Variants in ADAM29 observed in about 807,000 individuals in gnomAD.
ADAM29 encodes the protein ADAM metallopeptidase domain 29, also known as disintegrin and metalloproteinase domain-containing protein 29.
For missense variants in ADAM29, 969 were observed against 1,001.8 expected (o/e 0.97, Z 0.44); for synonymous variants, 367 against 342.3 (o/e 1.07, Z -0.80).
At chr4:174,932,372 AATTCT>A (rs1743937364) in intron 3 of ADAM29, among the ~76,000 whole-genome samples, 1 of 152,214 alleles carries the variant, frequency 6.6e-6, no homozygotes, top group Non-Finnish European at 1.5e-5. Flanking sequence ...AAGATGTAAC[AATTCT>A]TAGTTTATAA....
At chr4:174,930,632 A>G (rs1271388909) in intron 2 of ADAM29, among the ~76,000 whole-genome samples, 1 of 152,106 alleles carries the variant, frequency 6.6e-6, no homozygotes, top group Non-Finnish European at 1.5e-5. Flanking sequence ...TTTTCCTTCA[A>G]CTATTAATTT....
chr4:174,972,247 T>A (rs1206460086), intron 4 of ADAM29, among the ~76,000 whole-genome samples: 1 of 152,214 alleles, frequency 6.6e-6, no homozygotes. Context: ...ACGTTTTCCT[T>A]AGTTATCTGT....
chr4:174,971,854 T>C (rs1746496679), intron 4 of ADAM29, among the ~76,000 whole-genome samples: 1 of 152,152 alleles, frequency 6.6e-6, no homozygotes, highest in African/African-American at 2.4e-5. Flanking sequence ...CTTGAAGAGG[T>C]CCTATCAGTT....
intron 1 of ADAM29, chr4:174,918,980 A>C (rs573588730): frequency 6.6e-6 from 1 of 152,292 alleles, no homozygotes; most frequent in South Asian, 2.1e-4. Context: ...GAAATTCGAT[A>C]ACGTACACTG....
chr4:174,956,408 G>A (rs1242964362), intron 4 of ADAM29, among the ~76,000 whole-genome samples: 1 of 151,538 alleles, frequency 6.6e-6, no homozygotes, highest in Non-Finnish European at 1.5e-5. Context: ...CATTGCAGCT[G>A]TGGCATATAA....
chr4:174,957,209 T>G (rs1434226850), intron 4 of ADAM29, among the ~76,000 whole-genome samples: 2 of 151,942 alleles, frequency 1.3e-5, no homozygotes, highest in African/African-American at 4.8e-5. Flanking sequence ...TTCAGTTCTG[T>G]GTATTCTTTT....
chr4:174,974,375 A>G (rs1560893927), intron 4 of ADAM29, among the ~76,000 whole-genome samples: 1 of 152,240 alleles, frequency 6.6e-6, no homozygotes, highest in Non-Finnish European at 1.5e-5. Flanking sequence ...AGAAACTCAG[A>G]TAACTGACCT....
intron 3 of ADAM29, among the ~76,000 whole-genome samples, chr4:174,933,573 C>T (rs988972295): frequency 6.6e-6 from 1 of 152,024 alleles, no homozygotes; most frequent in African/African-American, 2.4e-5. Flanking sequence ...ATTTCTTCGC[C>T]CAGGTATTAA....
chr4:174,927,307 G>C (rs1266348838), intron 2 of ADAM29, among the ~76,000 whole-genome samples: 1 of 152,132 alleles, frequency 6.6e-6, no homozygotes, highest in African/African-American at 2.4e-5. Flanking sequence ...GCTTACACCT[G>C]TTGGTGCAAT....
intron 2 of ADAM29, among the ~76,000 whole-genome samples, chr4:174,929,023 C>T (rs1743688651): frequency 6.6e-6 from 1 of 152,178 alleles, no homozygotes; most frequent in African/African-American, 2.4e-5. Context: ...GAAGTTGAGT[C>T]AGGTTCAGGG....
At chr4:174,938,771 G>A (rs1292025359) in intron 4 of ADAM29, among the ~76,000 whole-genome samples, 1 of 152,078 alleles carries the variant, frequency 6.6e-6, no homozygotes, top group Non-Finnish European at 1.5e-5. Flanking sequence ...CAAATTGGTG[G>A]CTTAAAACAA....
At chr4:174,930,596 TTA>T (rs1452388678) in intron 2 of ADAM29, among the ~76,000 whole-genome samples, 3 of 152,224 alleles carry the variant, frequency 2.0e-5, no homozygotes, top group Non-Finnish European at 4.4e-5. Context: ...GCCTCAGATT[TTA>T]TGTTTAAAAG....
intron 4 of ADAM29, among the ~76,000 whole-genome samples, chr4:174,964,098 A>C (rs1746015385): frequency 1.3e-5 from 2 of 152,014 alleles, no homozygotes; most frequent in African/African-American, 2.4e-5. Flanking sequence ...TTTTTTTTCT[A>C]TAAATTATGT....
intron 2 of ADAM29, among the ~76,000 whole-genome samples, chr4:174,924,916 C>T (rs898748834): frequency 3.3e-5 from 5 of 152,144 alleles, no homozygotes; most frequent in Admixed American, 1.3e-4. Context: ...ACAAATCTAC[C>T]TAAGCCCGAT....
chr4:174,927,691 T>C (rs2110915625), intron 2 of ADAM29, among the ~76,000 whole-genome samples: 1 of 152,256 alleles, frequency 6.6e-6, no homozygotes, highest in South Asian at 2.1e-4. Context: ...CTAGGAGTAT[T>C]TTATAATATA....
intron 4 of ADAM29, among the ~76,000 whole-genome samples, chr4:174,968,171 T>C (rs1746258207): frequency 6.6e-6 from 1 of 152,100 alleles, no homozygotes; most frequent in African/African-American, 2.4e-5. Context: ...GCTTTTTCTT[T>C]TGAGTTAAAA....
chr4:174,953,345 TCTTA>T (rs560448189), intron 4 of ADAM29, among the ~76,000 whole-genome samples: 114 of 152,320 alleles, frequency 7.5e-4, no homozygotes, highest in Non-Finnish European at 1.3e-3. Context: ...AGATGTTTAC[TCTTA>T]CTTATTTTTC....
chr4:174,922,223 A>C (rs1433527735), intron 2 of ADAM29, among the ~76,000 whole-genome samples: 1 of 152,214 alleles, frequency 6.6e-6, no homozygotes, highest in African/African-American at 2.4e-5. Flanking sequence ...TGTAAACAAA[A>C]TACAATTTTT....
chr4:174,935,676 C>G (rs1301078627), intron 3 of ADAM29, among the ~76,000 whole-genome samples: 1 of 151,992 alleles, frequency 6.6e-6, no homozygotes, highest in South Asian at 2.1e-4. Flanking sequence ...AATAGATTCC[C>G]AGTGCTGCAG....
Sources: gnomAD v4.1 joint callset for allele counts (sites outside exome capture counted in the v4.1 genomes callset) on GRCh38, gnomAD v4.1.1 for gene constraint, MANE v1.5 for transcripts, NCBI Gene and HGNC (gene_info 2026-07-23, HGNC 2026-07-21) for gene names.